The following MGAT5B variants were observed in gnomAD, a reference collection of about 807,000 sequenced individuals.
The protein encoded by MGAT5B is N-acetylglucosaminyl-transferase Vb.
Under a neutral mutation model 95.1 loss-of-function variants are expected in MGAT5B, and 54 were observed. That is an observed-to-expected ratio of 0.57 (90% CI 0.46 to 0.71). The LOEUF is 0.71. Among genes scored for constraint, MGAT5B ranks in the 30% least tolerant of loss-of-function variants. The pLI is 0.00. For missense variants in MGAT5B, 935 were observed against 1,088.6 expected, an observed-to-expected ratio of 0.86 and a Z score of 1.99; for synonymous variants, 464 against 451.0, an observed-to-expected ratio of 1.03 and a Z score of -0.36.
chr17:76,927,627 T>C (rs1224848895), intron 10 of MGAT5B, among the ~76,000 whole-genome samples: 4 of 152,242 alleles, frequency 2.6e-5, no homozygotes, highest in Admixed American at 2.6e-4. Flanking sequence ...TTTCACCTTT[T>C]CTTGACAGCT....
chr17:76,919,078 G>A (rs968072742), intron 8 of MGAT5B, among the ~76,000 whole-genome samples: 2 of 152,218 alleles, frequency 1.3e-5, no homozygotes, highest in Non-Finnish European at 2.9e-5. Context: ...GTGGTGGCTC[G>A]TGGAAGGCTA....
intron 2 of MGAT5B, 70 bp from the exon 3 acceptor site, chr17:76,882,081 C>G (rs1483099894): frequency 6.6e-7 from 1 of 1,514,550 alleles, no homozygotes; most frequent in Admixed American, 1.9e-5. Context: ...CTGAGCTGCC[C>G]CAGCTCGGAC....
chr17:76,919,532 C>T (rs1309477220), intron 8 of MGAT5B, among the ~76,000 whole-genome samples: 2 of 152,212 alleles, frequency 1.3e-5, no homozygotes, highest in East Asian at 1.9e-4. Context: ...CAGGTTCAAA[C>T]GATTCTCCCA....
At chr17:76,885,170 A>G (rs1050114002) in intron 3 of MGAT5B, among the ~76,000 whole-genome samples, 12 of 152,110 alleles carry the variant, frequency 7.9e-5, no homozygotes, top group African/African-American at 2.9e-4. Flanking sequence ...GCTTCCTTGG[A>G]AATCCCCCTG....
chr17:76,920,278 A>G (rs922597234), intron 8 of MGAT5B, among the ~76,000 whole-genome samples: 2 of 150,952 alleles, frequency 1.3e-5, no homozygotes, highest in African/African-American at 4.9e-5. Context: ...CCAGCCCTTG[A>G]CTGAGAGTAC....
intron 3 of MGAT5B, among the ~76,000 whole-genome samples, chr17:76,882,959 C>T (rs1272976187): frequency 1.3e-5 from 2 of 151,758 alleles, no homozygotes; most frequent in Non-Finnish European, 2.9e-5. Context: ...ATGATCCACC[C>T]GTTTGGCCTT....
At chr17:76,881,899 A>G (rs1016508229) in intron 2 of MGAT5B, among the ~76,000 whole-genome samples, 1 of 152,186 alleles carries the variant, frequency 6.6e-6, no homozygotes, top group Non-Finnish European at 1.5e-5. Flanking sequence ...AATGATCCCA[A>G]TGTCACATGG....
At chr17:76,921,157 G>A (rs1969112576) in intron 8 of MGAT5B, among the ~76,000 whole-genome samples, 1 of 152,150 alleles carries the variant, frequency 6.6e-6, no homozygotes, top group South Asian at 2.1e-4. Context: ...CTAGACCCAG[G>A]GAACAGTTTC....
At chr17:76,931,173 T>C (rs1036248710) in intron 10 of MGAT5B, among the ~76,000 whole-genome samples, 7 of 152,188 alleles carry the variant, frequency 4.6e-5, no homozygotes, top group African/African-American at 1.7e-4. Flanking sequence ...CTCAGCTCAC[T>C]GAAACCTCCG....
Position 76,905,938 on chromosome 17 carries a change from T to G in MGAT5B, c.856-80T>G, listed in dbSNP as rs1598939420. ...GGAGACAGGGTCTGCTGCCGGCTGGTCTCCTGGCCGGTGCCCCGGGGGGGC... is the reference window on the plus strand; with the variant it reads ...GGAGACAGGGTCTGCTGCCGGCTGGGCTCCTGGCCGGTGCCCCGGGGGGGC... On this transcript the variant is annotated intron_variant, in intron 7 of 17. Transcript: ENST00000569840. The surrounding 1 kb of genome is among the most constrained non-coding windows in gnomAD (Gnocchi z 4.2). The G allele has an allele frequency of 6.9e-7, 1 of 1,453,912 alleles. No individual in the cohort carries two copies. 90.1% of individuals were successfully genotyped at this position (1,453,912 alleles called of 1,614,324 possible). A position where few individuals can be genotyped will look rare whatever the true frequency, so the allele number is the denominator to read the frequency against.
intron 8 of MGAT5B, among the ~76,000 whole-genome samples, chr17:76,919,832 T>C (rs573905587): frequency 6.6e-6 from 1 of 152,378 alleles, no homozygotes; most frequent in South Asian, 2.1e-4. Context: ...CGCATTGTGG[T>C]GCAACCATCG....
chr17:76,891,443 A>C (rs1381852283), intron 3 of MGAT5B, among the ~76,000 whole-genome samples: 1 of 151,702 alleles, frequency 6.6e-6, no homozygotes, highest in Non-Finnish European at 1.5e-5. Context: ...GTAGTGGTAC[A>C]ATCTCGGCTC....
Position 76,915,726 on chromosome 17 carries a change from C to T in MGAT5B, c.1026-9240C>T, listed in dbSNP as rs76833705. ...GGCAGCTCTCCTGCATCACCCTCCC[C>T]GTTCCAAGAGGAGGCACGAGAGGCC... On this transcript the variant is annotated intron_variant, in intron 8 of 17. Coordinates refer to ENST00000569840, the MANE Select transcript of MGAT5B (RefSeq NM_001199172.2). The surrounding 1 kb of genome is among the most constrained non-coding windows in gnomAD (Gnocchi z 8.7). Among the ~76,000 whole-genome samples, 623 of 152,322 alleles carry T rather than the reference C, an allele frequency of 4.1e-3. 41 individuals carry two copies. The East Asian group carries it at 0.11, about 27-fold the overall frequency.
intron 13 of MGAT5B, among the ~76,000 whole-genome samples, chr17:76,939,936 C>T (rs975543509): frequency 3.9e-5 from 6 of 152,126 alleles, no homozygotes; most frequent in African/African-American, 1.4e-4. Context: ...TGGGCACCTC[C>T]GTTGGTTCCA....
intron 4 of MGAT5B, among the ~76,000 whole-genome samples, 196 bp downstream of exon 4, chr17:76,902,866 G>A (rs1968368831): frequency 1.3e-5 from 2 of 152,106 alleles, no homozygotes; most frequent in South Asian, 2.1e-4. Flanking sequence ...GCAGGAGGGC[G>A]CTGAGGACAG....
chr17:76,948,025 C>T lies in MGAT5B; in HGVS notation c.2119C>T (p.His707Tyr), dbSNP rs1276678410. Residue 707 changes from histidine (H) to tyrosine (Y), a missense_variant, in exon 17 of 18, where the codon CAC (histidine) becomes TAC (tyrosine). Coordinates refer to ENST00000569840, the MANE Select transcript of MGAT5B (RefSeq NM_001199172.2). The stretch of plus-strand genomic sequence containing the variant: ...GGCCTGCACCGACACCTGCCTGGAC[C>T]ACGGGCTAATCTGTGAGCCCTCCTT... ...GRACTDTCLD[H>Y]GLICEPSFFP... is the part of the protein sequence containing the mutation. 3 of 1,613,272 alleles carry T rather than the reference C, an allele frequency of 1.9e-6. No individual in the cohort carries two copies. Among genetic ancestry groups the T allele is most frequent in the Middle Eastern group, 1.7e-4 (1 of 6,058 alleles).
chr17:76,901,555 G>A (rs1968316475), intron 3 of MGAT5B, among the ~76,000 whole-genome samples: 1 of 152,204 alleles, frequency 6.6e-6, no homozygotes. Context: ...CCTGAGAGCT[G>A]AGTAGTAATC....
In MGAT5B at chr17:76,930,173, A is replaced by C. The variant is rs1426364541; in HGVS notation, c.1292-2472A>C. 6.6e-6 allele frequency among the ~76,000 whole-genome samples: 1 copy of C among 152,118 alleles called. No homozygotes were observed. Among genetic ancestry groups the C allele is most frequent in the Non-Finnish European group, 1.5e-5 (1 of 68,012 alleles). ...CCTCCTGACCCTCCCAAAGCTCTAG[A>C]GGAGAGATCGTTTGGTTCTGTAGTT... On this transcript the variant is annotated intron_variant, in intron 10 of 17. Coordinates refer to ENST00000569840, the MANE Select transcript of MGAT5B (RefSeq NM_001199172.2). The surrounding 1 kb of genome is among the most constrained non-coding windows in gnomAD (Gnocchi z 4.1).
At chr17:76,900,952 TGC>T (rs1190878235) in intron 3 of MGAT5B, among the ~76,000 whole-genome samples, 40 of 151,636 alleles carry the variant, frequency 2.6e-4, no homozygotes, top group Non-Finnish European at 5.3e-4. Context: ...TGTGAGTGTG[TGC>T]GTGTGCACGC....
Sources: gnomAD v4.1 joint callset for allele counts (sites outside exome capture counted in the v4.1 genomes callset) on GRCh38, gnomAD v4.1.1 for gene constraint, Gnocchi (gnomAD v3.1) non-coding constraint, MANE v1.5 for transcripts, NCBI Gene and HGNC (gene_info 2026-07-23, HGNC 2026-07-21) for gene names.